Variants in STXBP3 observed in about 807,000 individuals in gnomAD.
STXBP3 encodes the protein syntaxin binding protein 3, also known as syntaxin-binding protein 3.
STXBP3 carries 41 observed loss-of-function variants against 85.7 expected under a neutral mutation model. The observed-to-expected ratio is 0.48, with a 90% confidence interval of 0.37 to 0.62. STXBP3 has a LOEUF of 0.62. Among genes scored for constraint, STXBP3 ranks in the 20% least tolerant of loss-of-function variants. STXBP3 has a pLI of 0.00. For missense variants in STXBP3, 563 were observed against 703.1 expected (o/e 0.80, Z 2.25); for synonymous variants, 229 against 231.7 (o/e 0.99, Z 0.10).
chr1:108,799,007 A>G (rs546621297), intron 16 of STXBP3, among the ~76,000 whole-genome samples: 1 of 152,228 alleles, frequency 6.6e-6, no homozygotes, highest in African/African-American at 2.4e-5. Flanking sequence ...CTTAGAGAAC[A>G]TTATTCAATT....
chr1:108,798,406 C>CT (rs781000610), intron 16 of STXBP3, among the ~76,000 whole-genome samples, 169 bp downstream of exon 16: 21,781 of 101,642 alleles, frequency 0.21, 3,092 homozygotes, highest in East Asian at 0.69. Context: ...GATTCTTCTT[C>CT]TTTTTTTTTT....
intron 17 of STXBP3, among the ~76,000 whole-genome samples, chr1:108,805,569 C>T (rs550937232): frequency 6.6e-6 from 1 of 152,202 alleles, no homozygotes; most frequent in South Asian, 2.1e-4. Flanking sequence ...GGACTACAGG[C>T]ATGCGCCACC....
chr1:108,746,811 A>G, intron 1 of STXBP3, 25 bp downstream of exon 1: 2 of 1,540,476 alleles, frequency 1.3e-6, no homozygotes, highest in East Asian at 2.5e-5. Flanking sequence ...GTAGGGGTTG[A>G]GAGAGGGAAG....
intron 2 of STXBP3, among the ~76,000 whole-genome samples, chr1:108,752,547 C>G (rs975920683): frequency 2.0e-5 from 3 of 152,012 alleles, no homozygotes; most frequent in Non-Finnish European, 2.9e-5. Flanking sequence ...CCATGGATAC[C>G]GAGGGATGAC....
chr1:108,792,590 C>T (rs1662999327), intron 11 of STXBP3, among the ~76,000 whole-genome samples: 1 of 152,148 alleles, frequency 6.6e-6, no homozygotes, highest in Non-Finnish European at 1.5e-5. Context: ...TGATATCAAA[C>T]ACTAGAACTT....
chr1:108,795,024 T>A, intron 13 of STXBP3, 117 bp downstream of exon 13: 1 of 800,756 alleles, frequency 1.2e-6, no homozygotes, highest in Non-Finnish European at 1.9e-6. Context: ...TCACAGACTC[T>A]CTCTTATCAG....
chr1:108,759,586 A>G (rs937072123), intron 5 of STXBP3, among the ~76,000 whole-genome samples: 4 of 152,130 alleles, frequency 2.6e-5, no homozygotes, highest in African/African-American at 9.7e-5. Flanking sequence ...AAAATTAACC[A>G]TTTGTGTTGT....
intron 17 of STXBP3, among the ~76,000 whole-genome samples, chr1:108,801,658 T>TTA (rs559983079): frequency 1.3e-5 from 1 of 78,026 alleles, no homozygotes; most frequent in East Asian, 1.6e-3. Context: ...CTTTTTTTAA[T>TTA]TTTTTTTTTT....
chr1:108,797,361 A>T (rs1484545380), intron 15 of STXBP3, among the ~76,000 whole-genome samples: 1 of 150,008 alleles, frequency 6.7e-6, no homozygotes, highest in Non-Finnish European at 1.5e-5. Context: ...CAAAAAAAAA[A>T]GGCTCAAAGT....
intron 7 of STXBP3, among the ~76,000 whole-genome samples, chr1:108,774,231 G>A (rs374137771): frequency 2.0e-5 from 3 of 152,002 alleles, no homozygotes; most frequent in South Asian, 2.1e-4. Context: ...TGACCCTCTC[G>A]CCTCAGTTTC....
At chr1:108,802,560 G>T (rs1169683062) in intron 17 of STXBP3, among the ~76,000 whole-genome samples, 1 of 152,180 alleles carries the variant, frequency 6.6e-6, no homozygotes, top group East Asian at 1.9e-4. Context: ...ATCTGACTGA[G>T]CTGGGAGAGC....
intron 16 of STXBP3, among the ~76,000 whole-genome samples, chr1:108,799,174 T>A (rs1031270330): frequency 6.6e-6 from 1 of 152,230 alleles, no homozygotes; most frequent in African/African-American, 2.4e-5. Flanking sequence ...GTACAGTGCA[T>A]AACTATGATT....
At chr1:108,773,059 T>C (rs1382379501) in intron 7 of STXBP3, among the ~76,000 whole-genome samples, 1 of 152,172 alleles carries the variant, frequency 6.6e-6, no homozygotes, top group African/African-American at 2.4e-5. Context: ...TTCATCAGTT[T>C]AAAGAACGCT....
chr1:108,749,210 G>A (rs1052806535), intron 1 of STXBP3, among the ~76,000 whole-genome samples: 5 of 152,166 alleles, frequency 3.3e-5, no homozygotes, highest in African/African-American at 7.2e-5. Flanking sequence ...ATAGGTGGGC[G>A]TGGGGAAAGG....
chr1:108,806,665 T>C (rs933594090), intron 17 of STXBP3, among the ~76,000 whole-genome samples: 2 of 152,172 alleles, frequency 1.3e-5, no homozygotes, highest in Non-Finnish European at 2.9e-5. Flanking sequence ...TTCCATTCCA[T>C]CAAGGAACAA....
chr1:108,770,003 T>C (rs1570755834), intron 6 of STXBP3, among the ~76,000 whole-genome samples: 3 of 152,238 alleles, frequency 2.0e-5, no homozygotes, highest in Admixed American at 2.0e-4. Flanking sequence ...TCTACATACA[T>C]TCCAGGCTGA....
At position 108,808,811 on chromosome 1, in the gene STXBP3, G is replaced by T; in HGVS notation, c.1713G>T (p.Lys571Asn). 1.2e-6 allele frequency: 2 copies of T among 1,613,012 alleles called. No homozygotes were observed. Among genetic ancestry groups the T allele is most frequent in the Non-Finnish European group, 8.5e-7 (1 of 1,179,664 alleles). Reference sequence around the variant, plus strand: ...CTACACATGTTTTAACACCCAAAAAGCTGTTGGATGATATAAAGATGCTGA... The same window carrying T: ...CTACACATGTTTTAACACCCAAAAATCTGTTGGATGATATAAAGATGCTGA... ...IGSTHVLTPK[K>N]LLDDIKMLNK... The change falls in exon 19 of 19, where the codon AAG (lysine) becomes AAT (asparagine). Residue 571 changes from lysine (K) to asparagine (N), a missense_variant. Around this residue, in one of 3 missense-constraint regions of STXBP3, gnomAD observed 494 missense variants for 592.8 expected, o/e 0.83. Coordinates refer to ENST00000370008, the MANE Select transcript of STXBP3 (RefSeq NM_007269.4).
At chr1:108,747,772 A>AT (rs1661823088) in intron 1 of STXBP3, among the ~76,000 whole-genome samples, 1 of 152,260 alleles carries the variant, frequency 6.6e-6, no homozygotes, top group Non-Finnish European at 1.5e-5. Flanking sequence ...AGTGCTTAAC[A>AT]TATAGCAGGC....
chr1:108,802,457 G>A (rs1470210171), intron 17 of STXBP3, among the ~76,000 whole-genome samples: 2 of 152,052 alleles, frequency 1.3e-5, no homozygotes, highest in Non-Finnish European at 2.9e-5. Context: ...CCTAAGTTGA[G>A]ACCACACCTA....
Sources: allele counts gnomAD v4.1 joint callset (sites outside exome capture counted in the v4.1 genomes callset), GRCh38; gene constraint gnomAD v4.1.1; regional missense constraint gnomAD v4.1.1; transcripts MANE v1.5; gene names NCBI Gene and HGNC (gene_info 2026-07-23, HGNC 2026-07-21).